PSMA4: variants seen among roughly 807,000 people sequenced by gnomAD.
PSMA4 encodes the protein proteasome 20S subunit alpha 4, also known as proteasome subunit alpha type-4.
PSMA4 carries 8 observed loss-of-function variants against 37.2 expected under a neutral mutation model. The ratio of observed to expected loss-of-function variants is 0.22; its 90% CI spans 0.13 to 0.39. The LOEUF is 0.39. Among genes scored for constraint, PSMA4 ranks in the 10% least tolerant of loss-of-function variants. The probability of loss-of-function intolerance (pLI) is 1.00; values close to 1 mark genes in which losing one functional copy is unlikely to be tolerated. For synonymous variants in PSMA4, 93 were observed against 98.8 expected (o/e 0.94, Z 0.35); for missense variants, 169 against 305.1 (o/e 0.55, Z 3.32).
chr15:78,544,468 T>G (rs2052515933), intron 5 of PSMA4: 1 of 500,968 alleles, frequency 2.0e-6, no homozygotes, highest in Non-Finnish European at 3.6e-6. Flanking sequence ...ACCGGGTTAA[T>G]TTTTGTATTT....
Position 78,549,225 on chromosome 15 carries a change from T to G in PSMA4, c.*281T>G. ...ATAAATTCTCTGTAGCAGTAATTGT[T>G]AAATATACAAAAACTGACAGGGCGA... On this transcript the variant is annotated 3_prime_UTR_variant, in exon 9 of 9. Transcript: ENST00000044462. 3.8e-6 allele frequency: 1 copy of G among 261,270 alleles called. No homozygotes were observed. The highest frequency in any genetic ancestry group is 6.7e-6 in the Non-Finnish European group (1 of 149,352). 16.2% of individuals were successfully genotyped at this position (261,270 alleles called of 1,614,324 possible).
chr15:78,548,648 A>C, intron 8 of PSMA4, 142 bp from the exon 9 acceptor site: 1 of 1,053,706 alleles, frequency 9.5e-7, no homozygotes, highest in Non-Finnish European at 1.3e-6. Context: ...AAAAGGGAAT[A>C]ATGTTAAGTA....
rs2052507566 is a variant in PSMA4 at position 78,544,180 on chromosome 15, TTTC to T, written c.210-6_210-4del. The T allele has an allele frequency of 6.2e-7, 1 of 1,609,224 alleles. No individual in the cohort carries two copies. On this transcript the variant is annotated splice_region_variant and splice_polypyrimidine_tract_variant and intron_variant, in intron 4 of 8. Coordinates refer to ENST00000044462, the MANE Select transcript of PSMA4 (RefSeq NM_002789.6). ...CCCTGCTTACAGATCAATGTCTTTT[TTTC>T]TTCAAGGGACATGGCTTGCAGTGTG... is the stretch of plus-strand genomic sequence containing the variant.
Position 78,541,659 on chromosome 15 carries a change from C to A in PSMA4, c.-23-246C>A, listed in dbSNP as rs114354818. 856 of 474,948 alleles carry A rather than the reference C, an allele frequency of 1.8e-3. 9 individuals carry two copies. The highest frequency in any genetic ancestry group is 0.016 in the African/African-American group (758 of 48,648). The allele number at this position is 474,948 out of a possible 1,614,324, so 29.4% of individuals were successfully genotyped here. A position where few individuals can be genotyped will look rare whatever the true frequency, so the allele number is the denominator to read the frequency against. On this transcript the variant is annotated intron_variant, in intron 1 of 8. Coordinates refer to ENST00000044462, the MANE Select transcript of PSMA4 (RefSeq NM_002789.6). ...ATACTTTCTTGATTCTTTCATCATC[C>A]CTTTTCCCACCCTACCCCCGGTTCC...
chr15:78,543,069 G>A (rs550359229), intron 4 of PSMA4, among the ~76,000 whole-genome samples: 4 of 152,296 alleles, frequency 2.6e-5, no homozygotes, highest in East Asian at 1.9e-4. Flanking sequence ...GAATAGCTAC[G>A]CAGGATTTTG....
chr15:78,544,047 C>T, intron 4 of PSMA4, 143 bp from the exon 5 acceptor site: 2 of 586,208 alleles, frequency 3.4e-6, no homozygotes, highest in Non-Finnish European at 3.0e-6. Context: ...AAAGATAAAA[C>T]TTGTAGGTTT....
chr15:78,541,594 C>A (rs1421877608), intron 1 of PSMA4: 4 of 348,414 alleles, frequency 1.1e-5, no homozygotes, highest in African/African-American at 6.6e-5. Context: ...CCTCTCCCAT[C>A]TCTGATTTAC....
chr15:78,542,261 A>C, intron 3 of PSMA4, 42 bp downstream of exon 3: 1 of 1,551,568 alleles, frequency 6.4e-7, no homozygotes, highest in South Asian at 1.2e-5. Flanking sequence ...TTTAAAAATA[A>C]ATGTGTTAGA....
intron 8 of PSMA4, among the ~76,000 whole-genome samples, chr15:78,548,330 A>G (rs1326882377): frequency 6.6e-6 from 1 of 152,092 alleles, no homozygotes; most frequent in Non-Finnish European, 1.5e-5. Flanking sequence ...TTTCCCTGGT[A>G]CAAAAAAATT....
intron 6 of PSMA4, among the ~76,000 whole-genome samples, 197 bp downstream of exon 6, chr15:78,545,154 T>G (rs1226264075): frequency 6.6e-6 from 1 of 152,184 alleles, no homozygotes; most frequent in Non-Finnish European, 1.5e-5. Context: ...CAGATCAGGG[T>G]AAATGGCACA....
At chr15:78,542,334 T>G in intron 3 of PSMA4, 115 bp downstream of exon 3, 1 of 1,405,260 alleles carries the variant, frequency 7.1e-7, no homozygotes, top group Non-Finnish European at 9.8e-7. Context: ...TTTTGTACTT[T>G]GAAGCAATTA....
At chr15:78,540,600 C>A (rs1213539469) in intron 1 of PSMA4, 61 bp downstream of exon 1, 1 of 152,522 alleles carries the variant, frequency 6.6e-6, no homozygotes, top group Non-Finnish European at 1.5e-5. Flanking sequence ...GGGCGGGGGT[C>A]GTGAACGTCA....
rs1045053170 is a variant in PSMA4, at chr15:78,549,551, A to C, written c.*607A>C. The C allele has an allele frequency of 3.9e-5, 6 of 152,350 alleles. No homozygotes were observed. Among genetic ancestry groups the C allele is most frequent in the Admixed American group, 1.3e-4 (2 of 15,296 alleles). The allele number at this position is 152,350 out of a possible 1,614,324, so 9.4% of individuals were successfully genotyped here. A position where few individuals can be genotyped will look rare whatever the true frequency, so the allele number is the denominator to read the frequency against. ...GGAGCTCTGTTGCTGGGGTTTGTTC[A>C]ACCTGAGTTCCCTTGGCTATCTGTG... On this transcript the variant is annotated 3_prime_UTR_variant, in exon 9 of 9. Transcript: ENST00000044462.
intron 8 of PSMA4, among the ~76,000 whole-genome samples, chr15:78,548,588 G>A (rs371957620): frequency 6.6e-6 from 1 of 152,116 alleles, no homozygotes; most frequent in East Asian, 1.9e-4. Flanking sequence ...CGATATTTAA[G>A]TAAAAATTAT....
chr15:78,542,630 T>A lies in PSMA4; in HGVS notation c.194T>A (p.Ile65Asn). The A allele has an allele frequency of 6.2e-7, 1 of 1,606,730 alleles. No homozygotes were observed. Among genetic ancestry groups the A allele is most frequent in the Non-Finnish European group, 8.5e-7 (1 of 1,178,084 alleles). ...GATGAAGTCTTTTTTTCTGAAAAAA[T>A]TTATAAACTCAATGAGTAAGTGAGA... ...LLDEVFFSEK[I>N]YKLNEDMACS... Residue 65 changes from isoleucine (I) to asparagine (N), a missense_variant, in exon 4 of 9, where the codon ATT becomes AAT. Physicochemically the swap from Ile to Asn is moderately radical, Grantham distance 149 (BLOSUM62 -3). This residue lies in a region of PSMA4 where 79 missense variants were observed against 212.4 expected (regional missense o/e 0.37). Transcript: ENST00000044462.
At chr15:78,548,414 T>C (rs2141379944) in intron 8 of PSMA4, among the ~76,000 whole-genome samples, 1 of 152,076 alleles carries the variant, frequency 6.6e-6, no homozygotes, top group East Asian at 1.9e-4. Context: ...TTTAAGAGAC[T>C]TGAAAAGTCC....
intron 8 of PSMA4, among the ~76,000 whole-genome samples, chr15:78,547,079 A>G (rs2141378409): frequency 6.6e-6 from 1 of 152,306 alleles, no homozygotes; most frequent in South Asian, 2.1e-4. Flanking sequence ...AACTGTTAAG[A>G]TTTTAACATG....
chr15:78,541,555 A>G (rs2052453233), intron 1 of PSMA4: 1 of 295,094 alleles, frequency 3.4e-6, no homozygotes, highest in Non-Finnish European at 6.5e-6. Flanking sequence ...TCTTTCTCTT[A>G]GACCCAAGGG....
At position 78,551,798 on chromosome 15, in the gene PSMA4, A is replaced by G. The variant is rs1422900640; in HGVS notation, c.*2854A>G. 3.3e-5 allele frequency: 5 copies of G among 152,038 alleles called. No homozygotes were observed. The highest frequency in any genetic ancestry group is 9.7e-5 in the African/African-American group (4 of 41,388). The allele number at this position is 152,038 out of a possible 1,614,324, so 9.4% of individuals were successfully genotyped here. A position where few individuals can be genotyped will look rare whatever the true frequency, so the allele number is the denominator to read the frequency against. ...CCATCCAGATCAGTAGCACTGGTGG[A>G]TTTTCTGTATCCTGACTACCCCTTC... is the stretch of plus-strand genomic sequence containing the variant. On this transcript the variant is annotated 3_prime_UTR_variant, in exon 9 of 9. Transcript: ENST00000044462.
Sources: allele counts gnomAD v4.1 joint callset (sites outside exome capture counted in the v4.1 genomes callset), GRCh38; gene constraint gnomAD v4.1.1; regional missense constraint gnomAD v4.1.1; transcripts MANE v1.5; gene names NCBI Gene and HGNC (gene_info 2026-07-23, HGNC 2026-07-21).